The following UVRAG variants were observed in gnomAD, a reference collection of about 807,000 sequenced individuals.
UVRAG encodes UV radiation resistance-associated gene protein.
A neutral mutation model predicts 78.0 loss-of-function variants in UVRAG; 19 were observed. That is an observed-to-expected ratio of 0.24 (90% CI 0.17 to 0.36). The LOEUF is 0.36. Ranked by LOEUF, UVRAG falls within the 10% of genes least tolerant of loss-of-function variation. The probability of loss-of-function intolerance (pLI) is 1.00; values close to 1 mark genes in which losing one functional copy is unlikely to be tolerated. For synonymous variants in UVRAG, 323 were observed against 324.6 expected (o/e 1.00, Z 0.05); for missense variants, 740 against 853.8 (o/e 0.87, Z 1.66).
In UVRAG at chr11:75,928,939, C is replaced by CAAAAAAAAAAAAAAAAAA. The variant is rs368913080; in HGVS notation, c.593+16908_593+16925dup. The stretch of plus-strand genomic sequence containing the variant: ...CCTGGGCGACAGAGCGAGACTGTCT[C>CAAAAAAAAAAAAAAAAAA]AAAAAAAAAAAAAAAAAAAAAAAAA... On this transcript the variant is annotated intron_variant, in intron 6 of 14. Coordinates refer to ENST00000356136, the MANE Select transcript of UVRAG (RefSeq NM_003369.4). Among the ~76,000 whole-genome samples, 8 of 67,488 alleles carry CAAAAAAAAAAAAAAAAAA rather than the reference C, an allele frequency of 1.2e-4. 1 individual carries two copies. Among genetic ancestry groups the CAAAAAAAAAAAAAAAAAA allele is most frequent in the African/African-American group, 5.5e-4 (7 of 12,786 alleles). The allele number at this position is 67,488 out of a possible 152,430, so 44.3% of individuals were successfully genotyped here.
At chr11:75,979,977 A>C (rs916878221) in intron 7 of UVRAG, 1 of 153,564 alleles carries the variant, frequency 6.5e-6, no homozygotes. Context: ...CTCACGCTGG[A>C]AGCTGTAGAC....
At chr11:75,978,338 T>C (rs1171017197) in intron 7 of UVRAG, among the ~76,000 whole-genome samples, 2 of 152,180 alleles carry the variant, frequency 1.3e-5, no homozygotes. Flanking sequence ...ATCTGACAAT[T>C]ATGTGTCTTG....
At chr11:75,850,173 A>G (rs1353384126) in intron 1 of UVRAG, among the ~76,000 whole-genome samples, 1 of 152,168 alleles carries the variant, frequency 6.6e-6, no homozygotes, top group Non-Finnish European at 1.5e-5. Flanking sequence ...GGAGTTTGCA[A>G]AGGGTGTAGC....
intron 13 of UVRAG, among the ~76,000 whole-genome samples, chr11:76,086,535 C>T (rs1486713311): frequency 6.6e-6 from 1 of 152,130 alleles, no homozygotes; most frequent in African/African-American, 2.4e-5. Context: ...GGCTTGTTAA[C>T]ATGATGTAGT....
chr11:75,828,776 C>T (rs867294982), intron 1 of UVRAG, among the ~76,000 whole-genome samples: 76 of 72,572 alleles, frequency 1.0e-3, no homozygotes, highest in Middle Eastern at 9.3e-3. Context: ...TATATATATA[C>T]ACACATATAT....
chr11:75,992,915 G>A (rs1412501262), intron 8 of UVRAG, among the ~76,000 whole-genome samples: 3 of 152,300 alleles, frequency 2.0e-5, no homozygotes, highest in Admixed American at 6.5e-5. Context: ...CTAGGGAGTA[G>A]TGAAATGATT....
intron 1 of UVRAG, among the ~76,000 whole-genome samples, chr11:75,846,684 C>G (rs146163877): frequency 5.7e-4 from 87 of 151,644 alleles, no homozygotes; most frequent in African/African-American, 2.1e-3. Context: ...GAGCCTTTAT[C>G]AAAGAATAGT....
chr11:76,102,039 C>T (rs1240915108), intron 13 of UVRAG, among the ~76,000 whole-genome samples: 1 of 152,110 alleles, frequency 6.6e-6, no homozygotes, highest in African/African-American at 2.4e-5. Flanking sequence ...GTTATTTTTG[C>T]TTAGGATTGC....
chr11:75,892,529 C>A, intron 5 of UVRAG: 1 of 532,154 alleles, frequency 1.9e-6, no homozygotes, highest in Non-Finnish European at 2.4e-6. Context: ...GAAGTTGGCA[C>A]AGAGAACTTA....
intron 8 of UVRAG, among the ~76,000 whole-genome samples, chr11:76,003,623 T>A (rs181214306): frequency 2.6e-5 from 4 of 152,330 alleles, no homozygotes; most frequent in Non-Finnish European, 4.4e-5. Context: ...TACTCTTTTT[T>A]AAAATATACT....
chr11:76,097,080 TGG>T (rs1480822472), intron 13 of UVRAG, among the ~76,000 whole-genome samples: 4 of 152,190 alleles, frequency 2.6e-5, no homozygotes, highest in African/African-American at 9.6e-5. Context: ...GTGATGGAGG[TGG>T]AGAGTAGAAT....
chr11:75,998,098 C>T (rs1015919880), intron 8 of UVRAG, among the ~76,000 whole-genome samples: 1 of 152,172 alleles, frequency 6.6e-6, no homozygotes, highest in African/African-American at 2.4e-5. Context: ...TGTGAAGCTC[C>T]CTTGACAGTT....
chr11:76,064,975 C>CTA (rs1265212723), intron 12 of UVRAG, among the ~76,000 whole-genome samples: 3 of 152,114 alleles, frequency 2.0e-5, no homozygotes, highest in African/African-American at 7.2e-5. Context: ...AAAACAATGA[C>CTA]TAGACTATAG....
At chr11:75,952,253 AC>A in intron 6 of UVRAG, among the ~76,000 whole-genome samples, 1 of 151,962 alleles carries the variant, frequency 6.6e-6, no homozygotes, top group Non-Finnish European at 1.5e-5. Flanking sequence ...CCTTTCCTAT[AC>A]CTATGGCTTT....
intron 6 of UVRAG, among the ~76,000 whole-genome samples, chr11:75,927,916 G>A (rs1178500836): frequency 6.6e-6 from 1 of 152,018 alleles, no homozygotes; most frequent in African/African-American, 2.4e-5. Context: ...AGGGAGTGAT[G>A]TGATCTGATT....
At chr11:75,999,655 A>G (rs1003825053) in intron 8 of UVRAG, among the ~76,000 whole-genome samples, 2 of 152,198 alleles carry the variant, frequency 1.3e-5, no homozygotes, top group Non-Finnish European at 2.9e-5. Flanking sequence ...CTGGGATTAC[A>G]GGTGTGAGCC....
intron 12 of UVRAG, among the ~76,000 whole-genome samples, chr11:76,063,801 G>A (rs2134378203): frequency 6.6e-6 from 1 of 152,190 alleles, no homozygotes; most frequent in African/African-American, 2.4e-5. Context: ...GCTTGCTAAT[G>A]TAATTCTCCA....
At chr11:75,876,112 C>G (rs900683493) in intron 3 of UVRAG, among the ~76,000 whole-genome samples, 1 of 152,204 alleles carries the variant, frequency 6.6e-6, no homozygotes, top group Non-Finnish European at 1.5e-5. Flanking sequence ...CCACTTACCT[C>G]TCTGGGTTCT....
intron 13 of UVRAG, among the ~76,000 whole-genome samples, chr11:76,097,030 G>C (rs1022760960): frequency 2.0e-5 from 3 of 152,108 alleles, no homozygotes; most frequent in Non-Finnish European, 2.9e-5. Context: ...AACCCCTTCT[G>C]TTAGAGGCTT....
Sources: allele counts gnomAD v4.1 joint callset (sites outside exome capture counted in the v4.1 genomes callset), GRCh38; gene constraint gnomAD v4.1.1; transcripts MANE v1.5; gene names NCBI Gene and HGNC (gene_info 2026-07-23, HGNC 2026-07-21).